The following SYNE2 variants were observed in gnomAD, a reference collection of about 807,000 sequenced individuals.
SYNE2 encodes the protein spectrin repeat containing nuclear envelope protein 2.
SYNE2 carries 431 observed loss-of-function variants against 856.3 expected under a neutral mutation model. The observed-to-expected ratio is 0.50, with a 90% CI of 0.47 to 0.55. SYNE2 has a LOEUF of 0.55. SYNE2 is among the 20% of genes least tolerant of loss of function. The pLI, the probability that SYNE2 is intolerant of heterozygous loss-of-function variation, is 0.00. For synonymous variants in SYNE2, 2,923 were observed against 2,872.3 expected (o/e 1.02, Z -0.56); for missense variants, 8,129 against 8,023.2 (o/e 1.01, Z -0.50).
Position 63,967,797 on chromosome 14 carries a change from A to G in SYNE2, c.1079A>G (p.Asp360Gly), listed in dbSNP as rs1225482220. The G allele has an allele frequency of 6.2e-7, 1 of 1,614,144 alleles. No individual in the cohort carries two copies. The highest frequency in any genetic ancestry group is 1.1e-5 in the South Asian group (1 of 91,082). The part of the protein sequence containing the change: ...LSIKRDLDEL[D>G]KDHLQLREAW... ...ATAAAACGGGATCTGGATGAGCTGG[A>G]CAAGGATCATTTACAGTTGAGAGAA... Residue 360 changes from aspartate (D) to glycine (G), a missense_variant, in exon 11 of 116, where the codon GAC becomes GGC. Asp to Gly is a moderately conservative substitution (Grantham distance 94, BLOSUM62 -1). Around this residue, in one of 3 missense-constraint regions of SYNE2, gnomAD observed 2,422 missense variants for 2,357.4 expected, o/e 1.03. Coordinates refer to ENST00000555002, the MANE Select transcript of SYNE2 (RefSeq NM_182914.3).
At chr14:63,898,438 G>A (rs938937309) in intron 1 of SYNE2, among the ~76,000 whole-genome samples, 5 of 151,658 alleles carry the variant, frequency 3.3e-5, no homozygotes, top group African/African-American at 7.3e-5. Flanking sequence ...ACAGAGTTTC[G>A]CCATTGCCCA....
At position 64,223,054 on chromosome 14, in the gene SYNE2, G is replaced by T. The variant is rs2140445844; in HGVS notation, c.20191-135G>T. On this transcript the variant is annotated intron_variant, in intron 112 of 115. Transcript: ENST00000555002. ...GGCTGGAGGACACAGGCAGATATGA[G>T]AAATAGAGGATTCTCGAGTTGAGTA... The T allele has an allele frequency of 3.6e-6, 3 of 836,668 alleles. No individual in the cohort carries two copies. The East Asian group carries it at 7.9e-5, about 22-fold the overall frequency. The allele number at this position is 836,668 out of a possible 1,614,324, so 51.8% of individuals were successfully genotyped here.
intron 7 of SYNE2, among the ~76,000 whole-genome samples, chr14:63,951,907 T>C (rs2096167326): frequency 6.6e-6 from 1 of 152,244 alleles, no homozygotes; most frequent in South Asian, 2.1e-4. Flanking sequence ...AGTTTTCAAC[T>C]GTAGAGCTTA....
chr14:64,118,771 G>T (rs1309284074), intron 66 of SYNE2, among the ~76,000 whole-genome samples: 2 of 150,504 alleles, frequency 1.3e-5, no homozygotes, highest in Middle Eastern at 3.2e-3. Flanking sequence ...TGAGGCAGGA[G>T]AATTACTTGA....
intron 55 of SYNE2, 90 bp downstream of exon 55, chr14:64,078,696 A>G (rs530923112): frequency 6.7e-7 from 1 of 1,492,132 alleles, no homozygotes; most frequent in East Asian, 2.3e-5. Context: ...AGTTCTTTGA[A>G]TTAATCTGAA....
Position 64,163,446 on chromosome 14 carries a change from A to G in SYNE2, c.16344A>G (p.Gln5448=). The G allele has an allele frequency of 3.1e-6, 5 of 1,614,116 alleles. No individual in the cohort carries two copies. Among genetic ancestry groups the G allele is most frequent in the Non-Finnish European group, 3.4e-6 (4 of 1,180,028 alleles). The change falls in exon 89 of 116, where the codon CAA becomes CAG. Residue 5448 remains glutamine (Q), a synonymous_variant. Transcript: ENST00000555002. ...DVQKTKEAFL[Q]NSSVLDRLPQ... ...AGAAAACAAAAGAAGCCTTTCTCCA[A>G]AATTCCAGTGTCCTGGATCGACTCC...
At position 64,225,541 on chromosome 14, in the gene SYNE2, C is replaced by T; in HGVS notation, c.*15C>T. 6.2e-7 allele frequency: 1 copy of T among 1,611,926 alleles called. No homozygotes were observed. Among genetic ancestry groups the T allele is most frequent in the Non-Finnish European group, 8.5e-7 (1 of 1,178,610 alleles). On this transcript the variant is annotated 3_prime_UTR_variant, in exon 116 of 116. Coordinates refer to ENST00000555002, the MANE Select transcript of SYNE2 (RefSeq NM_182914.3). ...CCCCCACATAGAGGGCATAGCTGGC[C>T]ACAGTGCTACACCACCTGCCTGATT...
At chr14:64,097,714 A>T (rs1291444872) in intron 61 of SYNE2, among the ~76,000 whole-genome samples, 1 of 152,252 alleles carries the variant, frequency 6.6e-6, no homozygotes, top group African/African-American at 2.4e-5. Flanking sequence ...AGAGATTCTG[A>T]TTCACAAGGT....
chr14:64,167,541 G>A lies in SYNE2; in HGVS notation c.16807G>A (p.Glu5603Lys). 6.2e-7 allele frequency: 1 copy of A among 1,614,206 alleles called. No homozygotes were observed. The highest frequency in any genetic ancestry group is 8.5e-7 in the Non-Finnish European group (1 of 1,180,024). ...GAATGAAAAGTTTCTTTATTGCTGT[G>A]AAAAGTGGATCCAACTTTTGGAGAA... ...GLNEKFLYCC[E>K]KWIQLLEKIE... Residue 5603 changes from glutamate (E) to lysine (K), a missense_variant, in exon 92 of 116, where the codon GAA becomes AAA. Coordinates refer to ENST00000555002, the MANE Select transcript of SYNE2 (RefSeq NM_182914.3).
At chr14:63,788,539 C>T (rs1013589352) in intron 1 of SYNE2, among the ~76,000 whole-genome samples, 1 of 152,026 alleles carries the variant, frequency 6.6e-6, no homozygotes, top group African/African-American at 2.4e-5. Flanking sequence ...ACAGCCTGTC[C>T]AGGAGAGCGG....
chr14:63,991,982 G>C (rs1213831372), intron 21 of SYNE2, among the ~76,000 whole-genome samples: 1 of 152,056 alleles, frequency 6.6e-6, no homozygotes, highest in African/African-American at 2.4e-5. Context: ...TACTGGATTT[G>C]CTAACCACGC....
chr14:63,983,003 A>G (rs761840693), intron 17 of SYNE2, among the ~76,000 whole-genome samples: 3 of 152,144 alleles, frequency 2.0e-5, no homozygotes, highest in Non-Finnish European at 4.4e-5. Flanking sequence ...CCTAAGCCCT[A>G]CACAACCATG....
rs188064951 is a variant in SYNE2, at chr14:64,058,624, C to T, written c.10067+2358C>T. On this transcript the variant is annotated intron_variant, in intron 49 of 115. Coordinates refer to ENST00000555002, the MANE Select transcript of SYNE2 (RefSeq NM_182914.3). Reference sequence around the variant, plus strand: ...CCTCCCAGGTAACTGAGATTACAGGCACAAGCCACCACACTGGCTAATATT... The same window carrying T: ...CCTCCCAGGTAACTGAGATTACAGGTACAAGCCACCACACTGGCTAATATT... 3.3e-5 allele frequency among the ~76,000 whole-genome samples: 5 copies of T among 152,228 alleles called. No homozygotes were observed. In the East Asian group the frequency reaches 9.7e-4, roughly 29 times the overall value.
intron 2 of SYNE2, among the ~76,000 whole-genome samples, chr14:63,931,402 T>A (rs2095752664): frequency 6.6e-6 from 1 of 151,834 alleles, no homozygotes; most frequent in African/African-American, 2.4e-5. Flanking sequence ...ATACAAAAAT[T>A]AGCCGGGCGT....
At chr14:63,864,199 C>T (rs1222431664) in intron 1 of SYNE2, among the ~76,000 whole-genome samples, 1 of 152,184 alleles carries the variant, frequency 6.6e-6, no homozygotes, top group African/African-American at 2.4e-5. Flanking sequence ...TTTGTAGTCA[C>T]TCATTTGATG....
At chr14:63,889,518 C>T (rs1334139684) in intron 1 of SYNE2, among the ~76,000 whole-genome samples, 1 of 151,802 alleles carries the variant, frequency 6.6e-6, no homozygotes, top group Non-Finnish European at 1.5e-5. Flanking sequence ...TTCTGTTGCC[C>T]AGGCTGGAGT....
At chr14:63,968,422 T>G (rs1483058896) in intron 11 of SYNE2, among the ~76,000 whole-genome samples, 3 of 152,220 alleles carry the variant, frequency 2.0e-5, no homozygotes, top group East Asian at 1.9e-4. Flanking sequence ...CACAGTAGAT[T>G]ATCTATATTT....
At position 64,108,854 on chromosome 14, in the gene SYNE2, T is replaced by C. The variant is rs115221008; in HGVS notation, c.12609+1247T>C. Among the ~76,000 whole-genome samples the C allele has an allele frequency of 8.4e-3, 1,281 of 152,086 alleles. 13 individuals carry two copies. Among genetic ancestry groups the C allele is most frequent in the African/African-American group, 0.029 (1,208 of 41,480 alleles). On this transcript the variant is annotated intron_variant, in intron 65 of 115. Coordinates refer to ENST00000555002, the MANE Select transcript of SYNE2 (RefSeq NM_182914.3). ...AAGGAAGTTGCTGACCTAGTCAGTATGTTTTTTTGCTGTTCAGAATTAATC... is the reference window on the plus strand; with the variant it reads ...AAGGAAGTTGCTGACCTAGTCAGTACGTTTTTTTGCTGTTCAGAATTAATC...
At chr14:64,065,365 GAGTT>G (rs1459508067) in intron 50 of SYNE2, 63 bp from the exon 51 acceptor site, 27 of 1,330,610 alleles carry the variant, frequency 2.0e-5, no homozygotes, top group Middle Eastern at 1.9e-4. Flanking sequence ...GGATTTAAAA[GAGTT>G]AGTAAGTTTC....
Sources: allele counts gnomAD v4.1 joint callset (sites outside exome capture counted in the v4.1 genomes callset), GRCh38; gene constraint gnomAD v4.1.1; regional missense constraint gnomAD v4.1.1; transcripts MANE v1.5; gene names NCBI Gene and HGNC (gene_info 2026-07-23, HGNC 2026-07-21).